Variants in AIG1 observed in about 807,000 individuals in gnomAD.
AIG1 encodes the protein androgen induced 1, also known as androgen-induced gene 1 protein.
Under a neutral mutation model 31.4 loss-of-function variants are expected in AIG1, and 23 were observed. The ratio of observed to expected loss-of-function variants is 0.73; its 90% CI spans 0.53 to 1.04. AIG1 has a LOEUF of 1.04. Ranked by LOEUF, AIG1 falls within the 50% of genes least tolerant of loss-of-function variation. The pLI is 0.00. For synonymous variants in AIG1, 100 were observed against 110.5 expected, an observed-to-expected ratio of 0.90 and a Z score of 0.60; for missense variants, 274 against 295.0, an observed-to-expected ratio of 0.93 and a Z score of 0.52.
At chr6:143,289,207 A>G (rs1400012205) in intron 4 of AIG1, among the ~76,000 whole-genome samples, 1 of 152,196 alleles carries the variant, frequency 6.6e-6, no homozygotes, top group Admixed American at 6.5e-5. Flanking sequence ...ATGGCTCTGC[A>G]GAGCCATTTC....
intron 4 of AIG1, among the ~76,000 whole-genome samples, chr6:143,309,071 A>G (rs959800265): frequency 1.3e-5 from 2 of 152,068 alleles, no homozygotes; most frequent in Non-Finnish European, 2.9e-5. Flanking sequence ...GAGGATAAGA[A>G]TTATAATATA....
intron 1 of AIG1, among the ~76,000 whole-genome samples, chr6:143,069,519 A>G (rs2128460260): frequency 6.6e-6 from 1 of 152,292 alleles, no homozygotes; most frequent in South Asian, 2.1e-4. Context: ...TATTTCAGCC[A>G]TTCTAATAGG....
intron 3 of AIG1, among the ~76,000 whole-genome samples, chr6:143,203,857 G>C (rs1790899144): frequency 6.6e-6 from 1 of 152,184 alleles, no homozygotes; most frequent in African/African-American, 2.4e-5. Context: ...TTCCAATTTT[G>C]AAATTCTGCC....
intron 3 of AIG1, among the ~76,000 whole-genome samples, chr6:143,281,342 T>A (rs1797329609): frequency 2.0e-5 from 3 of 152,350 alleles, no homozygotes; most frequent in Middle Eastern, 6.8e-3. Context: ...GTACCTCTCT[T>A]GTGCCAGGTT....
At chr6:143,304,860 C>G (rs1799129402) in intron 4 of AIG1, among the ~76,000 whole-genome samples, 1 of 152,118 alleles carries the variant, frequency 6.6e-6, no homozygotes. Context: ...TGGTCCTGGA[C>G]TCTTTTTGGT....
chr6:143,227,099 T>TA (rs1793034904), intron 3 of AIG1, among the ~76,000 whole-genome samples: 1 of 151,868 alleles, frequency 6.6e-6, no homozygotes, highest in South Asian at 2.1e-4. Flanking sequence ...GCCAAAAGAT[T>TA]GGACACCCAT....
At chr6:143,278,440 A>G (rs1583711031) in intron 3 of AIG1, among the ~76,000 whole-genome samples, 2 of 148,740 alleles carry the variant, frequency 1.3e-5, no homozygotes, top group Non-Finnish European at 3.0e-5. Context: ...TCTCTCTTTC[A>G]TGCCAGTATA....
At chr6:143,317,044 G>A (rs2128712185) in intron 4 of AIG1, among the ~76,000 whole-genome samples, 1 of 151,868 alleles carries the variant, frequency 6.6e-6, no homozygotes, top group Admixed American at 6.6e-5. Flanking sequence ...AAAAATCCAG[G>A]ACCAGTTGGA....
chr6:143,232,228 C>T (rs1195910750), intron 3 of AIG1, among the ~76,000 whole-genome samples: 1 of 152,176 alleles, frequency 6.6e-6, no homozygotes, highest in African/African-American at 2.4e-5. Context: ...AGTAGACAGG[C>T]AGCCCTTCTG....
intron 3 of AIG1, among the ~76,000 whole-genome samples, chr6:143,205,024 A>C (rs1791006578): frequency 6.6e-6 from 1 of 152,160 alleles, no homozygotes. Flanking sequence ...TCTTCCACAG[A>C]CTTCTGTCTG....
intron 2 of AIG1, among the ~76,000 whole-genome samples, chr6:143,146,018 A>G (rs1415526535): frequency 6.6e-6 from 1 of 152,194 alleles, no homozygotes; most frequent in Non-Finnish European, 1.5e-5. Flanking sequence ...TACACATTTG[A>G]TGAAATGGTT....
chr6:143,148,337 CAAAAAAAAAA>C (rs527337431), intron 2 of AIG1, among the ~76,000 whole-genome samples: 1 of 46,384 alleles, frequency 2.2e-5, no homozygotes, highest in Non-Finnish European at 5.1e-5. Flanking sequence ...CCCATCTCTA[CAAAAAAAAAA>C]AAAAAAAAAA....
chr6:143,103,628 C>T (rs2128485339), intron 1 of AIG1, among the ~76,000 whole-genome samples: 1 of 150,070 alleles, frequency 6.7e-6, no homozygotes, highest in South Asian at 2.1e-4. Flanking sequence ...CTGCCTCAGC[C>T]TCCCGAGTAG....
At chr6:143,192,862 C>T (rs1789915767) in intron 3 of AIG1, among the ~76,000 whole-genome samples, 1 of 152,172 alleles carries the variant, frequency 6.6e-6, no homozygotes, top group South Asian at 2.1e-4. Flanking sequence ...AATGATGACA[C>T]ACAGAGGGTG....
At chr6:143,163,811 GTCTT>G in intron 2 of AIG1, among the ~76,000 whole-genome samples, 1 of 152,166 alleles carries the variant, frequency 6.6e-6, no homozygotes, top group African/African-American at 2.4e-5. Context: ...GTTGTTCCCT[GTCTT>G]TCTATCTCCT....
chr6:143,210,130 C>A (rs557339627), intron 3 of AIG1, among the ~76,000 whole-genome samples: 1 of 152,122 alleles, frequency 6.6e-6, no homozygotes, highest in Non-Finnish European at 1.5e-5. Flanking sequence ...TGAGATCTGA[C>A]GAGTTTATAA....
intron 1 of AIG1, among the ~76,000 whole-genome samples, chr6:143,101,767 A>T (rs1374732256): frequency 6.6e-6 from 1 of 152,164 alleles, no homozygotes; most frequent in Admixed American, 6.5e-5. Context: ...GAACTTATTC[A>T]TGTAACGAAA....
intron 3 of AIG1, among the ~76,000 whole-genome samples, chr6:143,191,798 G>A (rs960424310): frequency 2.6e-5 from 4 of 152,134 alleles, no homozygotes; most frequent in African/African-American, 4.8e-5. Flanking sequence ...ATTTATAAAG[G>A]TAAAACTTTC....
At chr6:143,081,728 T>A (rs950381613) in intron 1 of AIG1, among the ~76,000 whole-genome samples, 1 of 152,092 alleles carries the variant, frequency 6.6e-6, no homozygotes, top group Non-Finnish European at 1.5e-5. Flanking sequence ...TTTCCATTGG[T>A]TAGCTGCAGG....
Sources: allele counts gnomAD v4.1 joint callset (sites outside exome capture counted in the v4.1 genomes callset), GRCh38; gene constraint gnomAD v4.1.1; transcripts MANE v1.5; gene names NCBI Gene and HGNC (gene_info 2026-07-23, HGNC 2026-07-21).